The following MALRD1 variants were observed in gnomAD, a reference collection of about 807,000 sequenced individuals.
The protein encoded by MALRD1 is MAM and LDL-receptor class A domain-containing protein 1.
A neutral mutation model predicts 242.1 loss-of-function variants in MALRD1; 247 were observed. The ratio of observed to expected loss-of-function variants is 1.02; its 90% CI spans 0.92 to 1.13. The LOEUF is 1.13. Among genes scored for constraint, MALRD1 ranks in the 50% most tolerant of loss-of-function variants. The probability of loss-of-function intolerance (pLI) is 0.00; values close to 1 mark genes in which losing one functional copy is unlikely to be tolerated. For missense variants in MALRD1, 2,989 were observed against 2,533.1 expected, an observed-to-expected ratio of 1.18 and a Z score of -3.86; for synonymous variants, 995 against 866.6, an observed-to-expected ratio of 1.15 and a Z score of -2.60.
chr10:19,479,226 G>A (rs1036114366), intron 29 of MALRD1, among the ~76,000 whole-genome samples: 37 of 152,118 alleles, frequency 2.4e-4, no homozygotes, highest in African/African-American at 7.2e-4. Context: ...ATCTGTTACA[G>A]AGTAAAGAAA....
intron 31 of MALRD1, among the ~76,000 whole-genome samples, chr10:19,530,446 A>AT (rs1250553710): frequency 1.4e-4 from 8 of 55,762 alleles, no homozygotes; most frequent in Admixed American, 1.3e-3. Flanking sequence ...ATAATATATA[A>AT]TATATAATAT....
Position 19,087,911 on chromosome 10 carries a change from A to C in MALRD1, c.412A>C (p.Thr138Pro). ...TTTAAGAAGCAGAGTTTTCCTTCCAACAAATGATCAACATGACTGCCAGGT... is the reference window on the plus strand; with the variant it reads ...TTTAAGAAGCAGAGTTTTCCTTCCACCAAATGATCAACATGACTGCCAGGT... Reference protein sequence around the residue: ...SSLRSRVFLPTNDQHDCQITF... With the variant: ...SSLRSRVFLPPNDQHDCQITF... Residue 138 changes from threonine to proline, a missense_variant, in exon 3 of 40, where the codon ACA (threonine) becomes CCA (proline). Transcript: ENST00000454679. The C allele has an allele frequency of 1.6e-6, 2 of 1,233,368 alleles. No individual in the cohort carries two copies. The highest frequency in any genetic ancestry group is 2.0e-6 in the Non-Finnish European group (2 of 987,798). The allele number at this position is 1,233,368 out of a possible 1,614,324, so 76.4% of individuals were successfully genotyped here.
chr10:19,649,444 A>T (rs1317533596), intron 36 of MALRD1, among the ~76,000 whole-genome samples: 1 of 152,168 alleles, frequency 6.6e-6, no homozygotes, highest in Non-Finnish European at 1.5e-5. Flanking sequence ...CAGGTGTGAG[A>T]TGGTATCTCA....
At chr10:19,383,527 T>C (rs1191004887) in intron 26 of MALRD1, among the ~76,000 whole-genome samples, 1 of 152,082 alleles carries the variant, frequency 6.6e-6, no homozygotes, top group East Asian at 1.9e-4. Context: ...GTATGTGTCT[T>C]TATGGTAGAA....
intron 14 of MALRD1, among the ~76,000 whole-genome samples, chr10:19,203,321 T>G (rs1836633272): frequency 6.6e-6 from 1 of 152,108 alleles, no homozygotes; most frequent in Non-Finnish European, 1.5e-5. Flanking sequence ...TTAAATTGTT[T>G]AGAAGTAGTA....
chr10:19,574,115 T>C (rs1836687226), intron 33 of MALRD1, among the ~76,000 whole-genome samples: 1 of 152,212 alleles, frequency 6.6e-6, no homozygotes, highest in Non-Finnish European at 1.5e-5. Context: ...CAAATTCTGC[T>C]TCACTGCTGA....
intron 7 of MALRD1, among the ~76,000 whole-genome samples, chr10:19,125,353 CTTT>C (rs1837241680): frequency 2.8e-5 from 3 of 106,768 alleles, no homozygotes; most frequent in African/African-American, 1.1e-4. Context: ...TTCTTTCTTT[CTTT>C]CTTTCTTTCT....
At chr10:19,165,960 C>A in intron 13 of MALRD1, 150 bp downstream of exon 13, 1 of 516,442 alleles carries the variant, frequency 1.9e-6, no homozygotes, top group South Asian at 1.1e-4. Context: ...TTATTTAATG[C>A]TAATCCTTTC....
In MALRD1 at chr10:19,588,208, T is replaced by C. The variant is rs112357569; in HGVS notation, c.5681-6986T>C. On this transcript the variant is annotated intron_variant, in intron 33 of 39. Transcript: ENST00000454679. ...TGTTGATCTATGCTTTTACTATTTA[T>C]GATTTATTCCATGGAAATAGTCAAT... is the stretch of plus-strand genomic sequence containing the variant. Among the ~76,000 whole-genome samples the C allele has an allele frequency of 2.9e-3, 439 of 152,328 alleles. 4 individuals carry two copies. The highest frequency in any genetic ancestry group is 0.01 in the African/African-American group (417 of 41,576).
intron 28 of MALRD1, among the ~76,000 whole-genome samples, chr10:19,423,754 A>G (rs1325740326): frequency 2.6e-5 from 4 of 152,172 alleles, no homozygotes; most frequent in Admixed American, 6.5e-5. Flanking sequence ...AGAGACGTGT[A>G]AAATTGGCAG....
At chr10:19,582,613 T>G (rs1241822751) in intron 33 of MALRD1, among the ~76,000 whole-genome samples, 2 of 136,968 alleles carry the variant, frequency 1.5e-5, no homozygotes, top group African/African-American at 2.6e-5. Context: ...CCACGCTGTT[T>G]TGGTTACTGT....
At chr10:19,682,869 G>T (rs1842430643) in intron 36 of MALRD1, among the ~76,000 whole-genome samples, 1 of 152,176 alleles carries the variant, frequency 6.6e-6, no homozygotes, top group South Asian at 2.1e-4. Context: ...GAGCCCTTCT[G>T]ATGGGATAGA....
At chr10:19,451,603 G>A (rs186417300) in intron 29 of MALRD1, among the ~76,000 whole-genome samples, 9 of 152,156 alleles carry the variant, frequency 5.9e-5, no homozygotes, top group East Asian at 3.9e-4. Context: ...GCAAGTCCCC[G>A]CGACTAAAAG....
intron 32 of MALRD1, among the ~76,000 whole-genome samples, chr10:19,540,257 C>A (rs912239567): frequency 2.6e-5 from 4 of 152,086 alleles, no homozygotes; most frequent in Non-Finnish European, 5.9e-5. Context: ...GACATATAAT[C>A]GTCAGAATAG....
intron 14 of MALRD1, among the ~76,000 whole-genome samples, chr10:19,197,275 A>T (rs1836307878): frequency 6.6e-6 from 1 of 152,134 alleles, no homozygotes; most frequent in African/African-American, 2.4e-5. Flanking sequence ...TTTGGTGGGA[A>T]CACAGAGCCA....
chr10:19,464,246 G>C (rs1460962064), intron 29 of MALRD1, among the ~76,000 whole-genome samples: 4 of 152,056 alleles, frequency 2.6e-5, no homozygotes, highest in Non-Finnish European at 5.9e-5. Flanking sequence ...TGTTTTTGTT[G>C]CATTTGCTTT....
At chr10:19,187,194 A>G (rs1302542433) in intron 14 of MALRD1, among the ~76,000 whole-genome samples, 1 of 152,226 alleles carries the variant, frequency 6.6e-6, no homozygotes, top group Non-Finnish European at 1.5e-5. Context: ...AATAAGGCAT[A>G]AAGAGGATTA....
chr10:19,275,574 C>T (rs2131862059), intron 19 of MALRD1, among the ~76,000 whole-genome samples: 1 of 152,192 alleles, frequency 6.6e-6, no homozygotes, highest in Admixed American at 6.5e-5. Context: ...GTGGCTGAGG[C>T]AGGAGAATGG....
chr10:19,527,992 A>G (rs1834178187), intron 31 of MALRD1, among the ~76,000 whole-genome samples: 1 of 152,200 alleles, frequency 6.6e-6, no homozygotes, highest in Non-Finnish European at 1.5e-5. Flanking sequence ...AGTAGGTTTG[A>G]CAGGTGCAGT....
Sources: allele counts gnomAD v4.1 joint callset (sites outside exome capture counted in the v4.1 genomes callset), GRCh38; gene constraint gnomAD v4.1.1; transcripts MANE v1.5; gene names NCBI Gene and HGNC (gene_info 2026-07-23, HGNC 2026-07-21).